The following PCM1 variants were observed in gnomAD, a reference collection of about 807,000 sequenced individuals.
PCM1 encodes pericentriolar material 1, also known as pericentriolar material 1 protein.
In PCM1, 157 loss-of-function variants were observed where a neutral mutation model predicts 241.9. The observed-to-expected ratio is 0.65, with a 90% CI of 0.57 to 0.74. The LOEUF (loss-of-function observed/expected upper bound fraction) is 0.74. Ranked by LOEUF, PCM1 falls within the 30% of genes least tolerant of loss-of-function variation. PCM1 has a pLI of 0.00. For missense variants in PCM1, 3,478 were observed against 2,360.1 expected, an observed-to-expected ratio of 1.47 and a Z score of -9.81; for synonymous variants, 1,085 against 784.9, an observed-to-expected ratio of 1.38 and a Z score of -6.39.
chr8:17,937,527 G>A, intron 4 of PCM1, 148 bp downstream of exon 4: 1 of 662,018 alleles, frequency 1.5e-6, no homozygotes, highest in Non-Finnish European at 2.5e-6. Flanking sequence ...TTAATCACTG[G>A]GGATGGTCCT....
intron 36 of PCM1, chr8:18,015,892 G>GAGTAATTTT (rs1237039878): frequency 6.6e-6 from 1 of 152,198 alleles, no homozygotes; most frequent in Non-Finnish European, 1.5e-5. Flanking sequence ...GAGTTTATCT[G>GAGTAATTTT]AGTAATTTTA....
intron 8 of PCM1, among the ~76,000 whole-genome samples, chr8:17,951,093 G>C (rs1022935855): frequency 6.6e-6 from 1 of 152,044 alleles, no homozygotes; most frequent in Non-Finnish European, 1.5e-5. Flanking sequence ...TGTGTCCTTC[G>C]ACTAGATACA....
chr8:18,000,564 G>A (rs972810348), intron 29 of PCM1, among the ~76,000 whole-genome samples: 3 of 150,830 alleles, frequency 2.0e-5, no homozygotes, highest in Non-Finnish European at 4.4e-5. Flanking sequence ...GAGGAAATAC[G>A]ATTTACCAAA....
At chr8:17,969,490 A>G (rs2076145209) in intron 21 of PCM1, 87 bp from the exon 22 acceptor site, 2 of 969,020 alleles carry the variant, frequency 2.1e-6, no homozygotes, top group Non-Finnish European at 3.1e-6. Flanking sequence ...TTTGAATGAC[A>G]TGTTTAATTA....
chr8:17,987,381 G>T (rs1376943203), intron 26 of PCM1, among the ~76,000 whole-genome samples: 3 of 151,716 alleles, frequency 2.0e-5, no homozygotes, highest in South Asian at 2.1e-4. Flanking sequence ...CTTAATTCCA[G>T]TGCTTTCACT....
intron 10 of PCM1, 146 bp downstream of exon 10, chr8:17,955,799 G>A (rs2068094453): frequency 1.5e-6 from 1 of 665,844 alleles, no homozygotes; most frequent in South Asian, 1.8e-5. Flanking sequence ...AGGCGTGTGT[G>A]TGTTGTGTGG....
chr8:18,025,151 TTG>T (rs2094096363), intron 36 of PCM1: 15 of 225,744 alleles, frequency 6.6e-5, no homozygotes, highest in South Asian at 4.9e-4. Flanking sequence ...TTTTTTTTTT[TTG>T]TGACAAAATG....
At chr8:17,946,334 A>T (rs2063752241) in intron 6 of PCM1, among the ~76,000 whole-genome samples, 1 of 152,190 alleles carries the variant, frequency 6.6e-6, no homozygotes, top group Non-Finnish European at 1.5e-5. Context: ...ATTTTCTTAG[A>T]TGTCTGATAA....
intron 29 of PCM1, among the ~76,000 whole-genome samples, chr8:17,995,071 T>C (rs746250614): frequency 6.6e-6 from 1 of 151,466 alleles, no homozygotes; most frequent in Non-Finnish European, 1.5e-5. Flanking sequence ...TTGCCAGTGC[T>C]TGTGGGGTAT....
rs528963113 is a variant in PCM1, at chr8:18,025,619, G to A, written c.6010G>A (p.Glu2004Lys). 2.9e-5 allele frequency: 46 copies of A among 1,576,572 alleles called. No homozygotes were observed. The highest frequency in any genetic ancestry group is 8.1e-5 in the African/African-American group (6 of 74,146). The part of the protein sequence containing the change: ...LSGEICEMQT[E>K]ELAGNSETLK... Reference sequence around the variant, plus strand: ...TGGTGAAATATGTGAAATGCAGACCGAAGAATTAGCTGGAAATTCTGAGAC... The same window carrying A: ...TGGTGAAATATGTGAAATGCAGACCAAAGAATTAGCTGGAAATTCTGAGAC... The change falls in exon 38 of 39, where the codon GAA becomes AAA. Residue 2004 changes from glutamate (E) to lysine (K), a missense_variant. Glu to Lys is a moderately conservative substitution (Grantham distance 56). Transcript: ENST00000325083.
intron 36 of PCM1, among the ~76,000 whole-genome samples, chr8:18,016,309 T>C (rs2093186443): frequency 6.6e-6 from 1 of 152,176 alleles, no homozygotes; most frequent in Non-Finnish European, 1.5e-5. Context: ...ATGGGTTCAT[T>C]AACACCTAAA....
At chr8:17,993,414 C>T in intron 28 of PCM1, 69 bp from the exon 29 acceptor site, 3 of 1,036,972 alleles carry the variant, frequency 2.9e-6, no homozygotes, top group South Asian at 4.3e-5. Context: ...TTTCAAATTT[C>T]AACATAAAGG....
At position 17,957,391 on chromosome 8, in the gene PCM1, A is replaced by C; in HGVS notation, c.1774A>C (p.Ile592Leu). 1.9e-6 allele frequency: 3 copies of C among 1,612,830 alleles called. No homozygotes were observed. The highest frequency in any genetic ancestry group is 1.1e-5 in the South Asian group (1 of 91,070). The change falls in exon 12 of 39, where the codon ATA (isoleucine) becomes CTA (leucine). Residue 592 changes from isoleucine to leucine, a missense_variant. Physicochemically the swap from Ile to Leu is conservative, Grantham distance 5. Transcript: ENST00000325083. ...CEINNRSAAN[I>L]RALNMPPSLD... ...AATTAACAACAGATCTGCTGCCAAC[A>C]TAAGGGCTCTAAACATGCCTCCTTC...
intron 36 of PCM1, among the ~76,000 whole-genome samples, chr8:18,018,358 CAA>C (rs986548567): frequency 3.3e-5 from 5 of 152,206 alleles, no homozygotes; most frequent in African/African-American, 1.2e-4. Flanking sequence ...TCTCAACTGA[CAA>C]AGGGAAGATT....
rs368370670 is a variant in PCM1, at chr8:18,012,784, C to G, written c.5511+957C>G. Reference sequence around the variant, plus strand: ...CATGGATTGATCTTCTGATTTTCTCCTCTTTTCCTTATCTTTTGGTTTTAC... The same window carrying G: ...CATGGATTGATCTTCTGATTTTCTCGTCTTTTCCTTATCTTTTGGTTTTAC... On this transcript the variant is annotated intron_variant, in intron 34 of 38. Transcript: ENST00000325083. 1.4e-4 allele frequency among the ~76,000 whole-genome samples: 21 copies of G among 152,204 alleles called. No individual in the cohort carries two copies. The East Asian group carries it at 1.5e-3, about 11-fold the overall frequency.
chr8:17,954,464 C>T (rs1586686483), intron 9 of PCM1, among the ~76,000 whole-genome samples: 1 of 150,790 alleles, frequency 6.6e-6, no homozygotes, highest in East Asian at 2.0e-4. Context: ...AACAACTTAA[C>T]ATGTGAAAGT....
intron 34 of PCM1, among the ~76,000 whole-genome samples, chr8:18,013,023 CT>C (rs1406331950): frequency 6.6e-6 from 1 of 152,106 alleles, no homozygotes; most frequent in African/African-American, 2.4e-5. Context: ...AGTTAAGGTT[CT>C]TTTGGGCTTC....
Position 18,006,411 on chromosome 8 carries a change from C to G in PCM1, c.4962+14C>G. ...AGTATATTACAGGTAAGAGTTTATA[C>G]TTGTATGATTTACCAATATGTACTG... On this transcript the variant is annotated intron_variant, in intron 30 of 38. Coordinates refer to ENST00000325083, the MANE Select transcript of PCM1 (RefSeq NM_006197.4). The G allele has an allele frequency of 1.3e-6, 2 of 1,584,152 alleles. No individual in the cohort carries two copies. Among genetic ancestry groups the G allele is most frequent in the Non-Finnish European group, 1.7e-6 (2 of 1,153,376 alleles).
chr8:18,003,095 G>A (rs1041020646), intron 29 of PCM1, among the ~76,000 whole-genome samples: 5 of 152,174 alleles, frequency 3.3e-5, no homozygotes, highest in Admixed American at 2.0e-4. Context: ...TACCTGCTTA[G>A]TGCTTGCACG....
Sources: gnomAD v4.1 joint callset for allele counts (sites outside exome capture counted in the v4.1 genomes callset) on GRCh38, gnomAD v4.1.1 for gene constraint, MANE v1.5 for transcripts, NCBI Gene and HGNC (gene_info 2026-07-23, HGNC 2026-07-21) for gene names.